Variants in CNOT2 observed in about 807,000 individuals in gnomAD.
The protein encoded by CNOT2 is CCR4-NOT transcription complex subunit 2, also known as CC chemokine receptor 4-negative regulator of transcription 2.
A neutral mutation model predicts 72.1 loss-of-function variants in CNOT2; 7 were observed. That is an observed-to-expected ratio of 0.10 (90% CI 0.06 to 0.18). The LOEUF is 0.18. Ranked by LOEUF, CNOT2 falls within the 10% of genes least tolerant of loss-of-function variation. CNOT2 has a pLI of 1.00. For synonymous variants in CNOT2, 196 were observed against 225.6 expected, an observed-to-expected ratio of 0.87 and a Z score of 1.17; for missense variants, 345 against 660.3, an observed-to-expected ratio of 0.52 and a Z score of 5.23.
intron 2 of CNOT2, among the ~76,000 whole-genome samples, chr12:70,291,088 A>C (rs1002971825): frequency 1.3e-5 from 2 of 152,180 alleles, no homozygotes; most frequent in East Asian, 3.8e-4. Context: ...ATTTAACTTA[A>C]AAATTGGACT....
chr12:70,337,290 A>G (rs921751993), intron 8 of CNOT2, 99 bp from the exon 9 acceptor site: 6 of 962,898 alleles, frequency 6.2e-6, no homozygotes, highest in Non-Finnish European at 9.2e-6. Context: ...AAAAAAAGAA[A>G]CCTTTTGGTG....
At chr12:70,335,013 G>A (rs1318773012) in intron 7 of CNOT2, 1 of 155,338 alleles carries the variant, frequency 6.4e-6, no homozygotes, top group African/African-American at 2.4e-5. Context: ...TTTGCAGGAG[G>A]CACTATCATT....
chr12:70,257,011 A>G (rs904436737), intron 1 of CNOT2, among the ~76,000 whole-genome samples: 5 of 151,996 alleles, frequency 3.3e-5, no homozygotes, highest in African/African-American at 1.2e-4. Context: ...TGATTTAATG[A>G]TTGTGTATGA....
intron 1 of CNOT2, among the ~76,000 whole-genome samples, chr12:70,269,498 G>T (rs775603464): frequency 1.3e-5 from 2 of 152,040 alleles, no homozygotes; most frequent in South Asian, 2.1e-4. Context: ...AGTTATATTG[G>T]AGTACAGTTT....
At chr12:70,301,155 G>C (rs906627715) in intron 2 of CNOT2, among the ~76,000 whole-genome samples, 2 of 152,176 alleles carry the variant, frequency 1.3e-5, no homozygotes, top group African/African-American at 2.4e-5. Flanking sequence ...ATACAGTCAT[G>C]TCACCTGCAA....
intron 1 of CNOT2, among the ~76,000 whole-genome samples, chr12:70,253,639 T>C (rs2135709672): frequency 6.6e-6 from 1 of 152,298 alleles, no homozygotes; most frequent in Non-Finnish European, 1.5e-5. Flanking sequence ...TTGAAGAGCC[T>C]CAGCTGTTTG....
intron 1 of CNOT2, among the ~76,000 whole-genome samples, chr12:70,268,501 A>G (rs1436829154): frequency 2.6e-5 from 4 of 152,158 alleles, no homozygotes; most frequent in African/African-American, 9.7e-5. Context: ...GCTGGAGTGC[A>G]GTGGTGCAGT....
chr12:70,296,410 G>A (rs76573214), intron 2 of CNOT2, among the ~76,000 whole-genome samples: 9,314 of 151,954 alleles, frequency 0.061, 434 homozygotes, highest in East Asian at 0.16. Flanking sequence ...TATTCATTGA[G>A]GCCTTTTTTG....
chr12:70,322,769 A>G (rs1394847355), intron 4 of CNOT2: 1 of 151,794 alleles, frequency 6.6e-6, no homozygotes, highest in East Asian at 1.9e-4. Context: ...AACCCAGAGC[A>G]CAGGTGGGGT....
At position 70,243,494 on chromosome 12, in the gene CNOT2, A is replaced by C. The variant is rs1451098297; in HGVS notation, c.-96+14A>C. 6.6e-6 allele frequency: 1 copy of C among 152,396 alleles called. No individual in the cohort carries two copies. Among genetic ancestry groups the C allele is most frequent in the Non-Finnish European group, 1.5e-5 (1 of 68,030 alleles). 9.4% of individuals were successfully genotyped at this position (152,396 alleles called of 1,614,324 possible). A position where few individuals can be genotyped will look rare whatever the true frequency, so the allele number is the denominator to read the frequency against. ...AAAATTCATGCGGTGAGTTTTTGGT[A>C]AATTTTCGGAAGTCTGGCAGCGGGG... On this transcript the variant is annotated intron_variant, in intron 1 of 15. Transcript: ENST00000229195.
intron 15 of CNOT2, among the ~76,000 whole-genome samples, chr12:70,349,868 T>G (rs1882657288): frequency 6.6e-6 from 1 of 151,852 alleles, no homozygotes. Flanking sequence ...CATAGCCAGG[T>G]GTGGTGGTAT....
chr12:70,253,108 T>C (rs900965095), intron 1 of CNOT2, among the ~76,000 whole-genome samples: 2 of 152,240 alleles, frequency 1.3e-5, no homozygotes, highest in African/African-American at 4.8e-5. Flanking sequence ...AATCGTCATA[T>C]TGCTCTGTCT....
At chr12:70,325,328 G>A (rs985337352) in intron 4 of CNOT2, among the ~76,000 whole-genome samples, 5 of 151,692 alleles carry the variant, frequency 3.3e-5, no homozygotes, top group Admixed American at 2.6e-4. Flanking sequence ...AAACACCTGG[G>A]GAATTTTTAA....
At chr12:70,283,051 A>G (rs1870151250) in intron 2 of CNOT2, among the ~76,000 whole-genome samples, 1 of 152,216 alleles carries the variant, frequency 6.6e-6, no homozygotes, top group Non-Finnish European at 1.5e-5. Context: ...TACTGTATTC[A>G]GATAATACTT....
At chr12:70,256,751 C>G (rs1415949182) in intron 1 of CNOT2, among the ~76,000 whole-genome samples, 1 of 152,058 alleles carries the variant, frequency 6.6e-6, no homozygotes, top group African/African-American at 2.4e-5. Context: ...TTTGTAAGCT[C>G]TACAGTCTCT....
chr12:70,337,240 C>T, intron 8 of CNOT2, 149 bp from the exon 9 acceptor site: 8 of 545,666 alleles, frequency 1.5e-5, no homozygotes, highest in Admixed American at 3.1e-5. Flanking sequence ...TCATTGTTAC[C>T]CTGGATACTA....
intron 2 of CNOT2, chr12:70,290,733 G>A (rs2135864209): frequency 6.6e-6 from 1 of 151,444 alleles, no homozygotes; most frequent in African/African-American, 2.4e-5. Flanking sequence ...ATAGAGACAG[G>A]GTCTCACTAT....
In CNOT2 at chr12:70,354,171, T is replaced by G; in HGVS notation, c.*256T>G. ...CTGAATTTTTTCATTTATTTCCTTT[T>G]TTGCCAGCAGACAGACTTGAGTCTG... On this transcript the variant is annotated 3_prime_UTR_variant, in exon 16 of 16. Transcript: ENST00000229195. 1.8e-6 allele frequency: 1 copy of G among 547,570 alleles called. No individual in the cohort carries two copies. 33.9% of individuals were successfully genotyped at this position (547,570 alleles called of 1,614,324 possible). A position where few individuals can be genotyped will look rare whatever the true frequency, so the allele number is the denominator to read the frequency against.
At chr12:70,298,397 A>C (rs968807098) in intron 2 of CNOT2, among the ~76,000 whole-genome samples, 1 of 152,170 alleles carries the variant, frequency 6.6e-6, no homozygotes, top group African/African-American at 2.4e-5. Flanking sequence ...TCATGGTTAA[A>C]AAGGGGGACT....
Sources: gnomAD v4.1 joint callset for allele counts (sites outside exome capture counted in the v4.1 genomes callset) on GRCh38, gnomAD v4.1.1 for gene constraint, MANE v1.5 for transcripts, NCBI Gene and HGNC (gene_info 2026-07-23, HGNC 2026-07-21) for gene names.